CSMD1: variants seen among roughly 807,000 people sequenced by gnomAD.
CSMD1 encodes CUB and Sushi multiple domains 1.
Under a neutral mutation model 417.5 loss-of-function variants are expected in CSMD1, and 213 were observed. That is an observed-to-expected ratio of 0.51 (90% CI 0.46 to 0.57). CSMD1 has a LOEUF of 0.57. Among genes scored for constraint, CSMD1 ranks in the 20% least tolerant of loss-of-function variants. CSMD1 has a pLI of 0.00. For synonymous variants in CSMD1, 2,862 were observed against 1,736.8 expected, an observed-to-expected ratio of 1.65 and a Z score of -16.11; for missense variants, 6,923 against 4,529.7, an observed-to-expected ratio of 1.53 and a Z score of -15.17.
At chr8:3,102,945 GC>G (rs1373895170) in intron 46 of CSMD1, among the ~76,000 whole-genome samples, 2 of 152,090 alleles carry the variant, frequency 1.3e-5, no homozygotes, top group Non-Finnish European at 2.9e-5. Context: ...AACTCCCCAG[GC>G]CTCCACAAAC....
At chr8:4,114,575 A>G (rs955319752) in intron 3 of CSMD1, among the ~76,000 whole-genome samples, 3 of 152,234 alleles carry the variant, frequency 2.0e-5, no homozygotes, top group Non-Finnish European at 4.4e-5. Flanking sequence ...GCATAAGTCT[A>G]TAGCTTTCAT....
At chr8:4,840,474 G>A (rs1313321282) in intron 1 of CSMD1, among the ~76,000 whole-genome samples, 4 of 152,090 alleles carry the variant, frequency 2.6e-5, no homozygotes, top group Non-Finnish European at 2.9e-5. Flanking sequence ...AACACGTTAG[G>A]TCTTTTGTTT....
At chr8:4,034,987 G>GT (rs1258404046) in intron 3 of CSMD1, among the ~76,000 whole-genome samples, 3 of 152,104 alleles carry the variant, frequency 2.0e-5, no homozygotes, top group Admixed American at 1.3e-4. Flanking sequence ...TCTTCTATAC[G>GT]TTTTTTCTGT....
intron 2 of CSMD1, among the ~76,000 whole-genome samples, chr8:4,438,504 G>A (rs1798273925): frequency 6.6e-6 from 1 of 152,216 alleles, no homozygotes; most frequent in African/African-American, 2.4e-5. Context: ...CTGGCTGTAG[G>A]AAGATGCAGG....
At chr8:4,115,418 C>T (rs1381147445) in intron 3 of CSMD1, among the ~76,000 whole-genome samples, 3 of 152,164 alleles carry the variant, frequency 2.0e-5, no homozygotes, top group African/African-American at 7.2e-5. Flanking sequence ...TCCTATGATT[C>T]ATTTTATAGT....
At chr8:4,352,288 G>A (rs778293751) in intron 3 of CSMD1, among the ~76,000 whole-genome samples, 3 of 152,100 alleles carry the variant, frequency 2.0e-5, no homozygotes, top group Non-Finnish European at 2.9e-5. Flanking sequence ...GGTTCTTCCA[G>A]GTGATTTAGA....
chr8:3,757,008 G>A (rs530005330), intron 5 of CSMD1, among the ~76,000 whole-genome samples: 21 of 152,096 alleles, frequency 1.4e-4, no homozygotes, highest in Non-Finnish European at 2.4e-4. Context: ...TCACTATGTT[G>A]TCCAGACTGG....
At chr8:4,424,992 A>G (rs895944038) in intron 2 of CSMD1, among the ~76,000 whole-genome samples, 2 of 152,096 alleles carry the variant, frequency 1.3e-5, no homozygotes, top group African/African-American at 4.8e-5. Context: ...AACCAAAATA[A>G]TGCTATTTAA....
chr8:4,724,542 G>GTGTC (rs1563224753), intron 1 of CSMD1, among the ~76,000 whole-genome samples: 48 of 150,424 alleles, frequency 3.2e-4, no homozygotes, highest in East Asian at 1.2e-3. Flanking sequence ...GTGTGTGTGT[G>GTGTC]TGTGTGTGTG....
intron 3 of CSMD1, among the ~76,000 whole-genome samples, chr8:4,307,786 G>C (rs1210107970): frequency 6.6e-6 from 1 of 152,156 alleles, no homozygotes; most frequent in Non-Finnish European, 1.5e-5. Context: ...TCCAGAGTCA[G>C]TTTACCTCTC....
chr8:3,396,902 T>G (rs781155959), intron 16 of CSMD1, among the ~76,000 whole-genome samples: 1 of 152,148 alleles, frequency 6.6e-6, no homozygotes, highest in Non-Finnish European at 1.5e-5. Flanking sequence ...TCCTGTGCCT[T>G]TTTAAATTGC....
At chr8:4,731,552 T>A (rs777626867) in intron 1 of CSMD1, among the ~76,000 whole-genome samples, 2 of 152,238 alleles carry the variant, frequency 1.3e-5, no homozygotes, top group African/African-American at 4.8e-5. Context: ...TCATTAATTA[T>A]TAAATACATG....
At chr8:3,695,818 A>C (rs137926077) in intron 7 of CSMD1, among the ~76,000 whole-genome samples, 2 of 152,196 alleles carry the variant, frequency 1.3e-5, no homozygotes, top group Non-Finnish European at 2.9e-5. Flanking sequence ...CACTTTTCCA[A>C]CTTAAAATAG....
At chr8:3,010,361 C>T (rs1198097396) in intron 52 of CSMD1, among the ~76,000 whole-genome samples, 2 of 152,170 alleles carry the variant, frequency 1.3e-5, no homozygotes, top group Non-Finnish European at 2.9e-5. Context: ...AGCACCATGC[C>T]TTGTGCATGT....
chr8:3,456,225 T>C (rs1370638923), intron 12 of CSMD1, among the ~76,000 whole-genome samples: 2 of 152,236 alleles, frequency 1.3e-5, no homozygotes, highest in African/African-American at 4.8e-5. Context: ...TTTCTTTGAC[T>C]AGGAAAGGGA....
intron 5 of CSMD1, among the ~76,000 whole-genome samples, chr8:3,867,980 A>G (rs560663217): frequency 8.6e-5 from 13 of 151,944 alleles, no homozygotes; most frequent in Admixed American, 7.2e-4. Context: ...ACTGTGGGAG[A>G]CCCAAGATTC....
intron 2 of CSMD1, among the ~76,000 whole-genome samples, chr8:4,510,566 T>C (rs531585322): frequency 4.7e-5 from 7 of 150,024 alleles, no homozygotes; most frequent in Non-Finnish European, 1.0e-4. Flanking sequence ...CCTCTTCCCT[T>C]CCCTCTTCCC....
intron 1 of CSMD1, among the ~76,000 whole-genome samples, chr8:4,877,769 T>C (rs1453581440): frequency 6.6e-6 from 1 of 152,146 alleles, no homozygotes; most frequent in Admixed American, 6.5e-5. Flanking sequence ...TTCATGCCTG[T>C]AAAAAGTACA....
At chr8:3,445,249 T>A (rs192484988) in intron 12 of CSMD1, among the ~76,000 whole-genome samples, 1 of 152,196 alleles carries the variant, frequency 6.6e-6, no homozygotes, top group African/African-American at 2.4e-5. Context: ...TTACGTTCTC[T>A]GGGTTTCACT....
Sources: allele counts gnomAD v4.1 joint callset (sites outside exome capture counted in the v4.1 genomes callset), GRCh38; gene constraint gnomAD v4.1.1; transcripts MANE v1.5; gene names NCBI Gene and HGNC (gene_info 2026-07-23, HGNC 2026-07-21).